The following GTF2I variants were observed in gnomAD, a reference collection of about 807,000 sequenced individuals.
The protein encoded by GTF2I is general transcription factor IIi.
Under a neutral mutation model 67.6 loss-of-function variants are expected in GTF2I, and 12 were observed. The ratio of observed to expected loss-of-function variants is 0.18; its 90% CI spans 0.11 to 0.29. The LOEUF (loss-of-function observed/expected upper bound fraction) is 0.29. GTF2I is among the 10% of genes least tolerant of loss of function. GTF2I has a pLI of 1.00. For missense variants in GTF2I, 271 were observed against 580.1 expected, an observed-to-expected ratio of 0.47 and a Z score of 5.47; for synonymous variants, 149 against 197.0, an observed-to-expected ratio of 0.76 and a Z score of 2.04.
chr7:74,674,151 C>T (rs587713872), intron 1 of GTF2I, among the ~76,000 whole-genome samples: 14 of 148,486 alleles, frequency 9.4e-5, no homozygotes, highest in African/African-American at 2.5e-4. Flanking sequence ...GTCACTGCAG[C>T]GTCGAACTCC....
At chr7:74,714,969 C>T in intron 10 of GTF2I, 53 bp downstream of exon 10, 2 of 1,086,520 alleles carry the variant, frequency 1.8e-6, no homozygotes, top group Non-Finnish European at 2.7e-6. Flanking sequence ...TTAATGTTTC[C>T]TTATATTGCA....
At position 74,718,957 on chromosome 7, in the gene GTF2I, G is replaced by A; in HGVS notation, c.943+16G>A. On this transcript the variant is annotated intron_variant, in intron 12 of 34. Coordinates refer to ENST00000573035, the MANE Select transcript of GTF2I (RefSeq NM_032999.4). ...ACTATTGAAGGTTAGTTATCTAAAAGCCTTGATTCCAAAGTTTACTTCTGG... is the reference window on the plus strand; with the variant it reads ...ACTATTGAAGGTTAGTTATCTAAAAACCTTGATTCCAAAGTTTACTTCTGG... 7.1e-7 allele frequency: 1 copy of A among 1,411,646 alleles called. No homozygotes were observed. The highest frequency in any genetic ancestry group is 9.8e-7 in the Non-Finnish European group (1 of 1,020,468). 87.4% of individuals were successfully genotyped at this position (1,411,646 alleles called of 1,614,324 possible). A position where few individuals can be genotyped will look rare whatever the true frequency, so the allele number is the denominator to read the frequency against.
intron 2 of GTF2I, 36 bp from the exon 3 acceptor site, chr7:74,690,937 C>T: frequency 6.3e-7 from 1 of 1,588,008 alleles, no homozygotes; most frequent in Non-Finnish European, 8.5e-7. Flanking sequence ...TCTTAAACGT[C>T]CGCCTGTAAC....
chr7:74,698,455 G>C (rs1415927305), intron 3 of GTF2I, among the ~76,000 whole-genome samples: 1 of 147,722 alleles, frequency 6.8e-6, no homozygotes, highest in Non-Finnish European at 1.5e-5. Flanking sequence ...ACCCAGGCTG[G>C]AGTGCTGTGG....
intron 10 of GTF2I, among the ~76,000 whole-genome samples, chr7:74,716,107 T>C (rs1554403584): frequency 6.6e-6 from 1 of 152,088 alleles, no homozygotes; most frequent in African/African-American, 2.4e-5. Flanking sequence ...TTCAATCTTT[T>C]CCATGTTAGT....
intron 12 of GTF2I, chr7:74,722,674 CTTTT>C (rs1477257036): frequency 2.1e-4 from 32 of 152,190 alleles, no homozygotes; most frequent in African/African-American, 7.2e-4. Flanking sequence ...CAAACTCTGG[CTTTT>C]TTATTTCTCA....
intron 1 of GTF2I, among the ~76,000 whole-genome samples, chr7:74,659,871 A>C (rs1804314591): frequency 6.6e-6 from 1 of 152,176 alleles, no homozygotes; most frequent in Non-Finnish European, 1.5e-5. Context: ...ACTTTGCCGC[A>C]GACAATGGCT....
intron 3 of GTF2I, among the ~76,000 whole-genome samples, chr7:74,697,624 G>T (rs1789064124): frequency 6.6e-6 from 1 of 152,114 alleles, no homozygotes; most frequent in Non-Finnish European, 1.5e-5. Context: ...CTTTTTTAAA[G>T]TAGTACAAGG....
intron 12 of GTF2I, chr7:74,727,873 G>A (rs1361382881): frequency 6.6e-6 from 1 of 152,260 alleles, no homozygotes. Context: ...ACAACAGCGT[G>A]TGTGCTGTGC....
intron 29 of GTF2I, 77 bp downstream of exon 29, chr7:74,753,254 G>A: frequency 3.7e-6 from 6 of 1,604,796 alleles, no homozygotes; most frequent in Non-Finnish European, 4.3e-6. Flanking sequence ...AGCAGATGAT[G>A]GTTGGATGGT....
At chr7:74,671,318 C>T (rs782255306) in intron 1 of GTF2I, among the ~76,000 whole-genome samples, 101 of 151,950 alleles carry the variant, frequency 6.6e-4, no homozygotes, top group Non-Finnish European at 1.3e-3. Flanking sequence ...AACTCCTGAC[C>T]TCAGGTGATT....
rs1006957435 is a variant in GTF2I, at chr7:74,718,764, A to G, written c.881-115A>G. On this transcript the variant is annotated intron_variant, in intron 11 of 34. Transcript: ENST00000573035. ...TTTCATTAATATGAAATGAATGAAA[A>G]TGCCAGTGGATTTTTATAGTAGGCT... 2.3e-5 allele frequency: 13 copies of G among 566,112 alleles called. No individual in the cohort carries two copies. In the African/African-American group the frequency reaches 2.6e-4, roughly 11 times the overall value. 35.1% of individuals were successfully genotyped at this position (566,112 alleles called of 1,614,324 possible).
At position 74,731,552 on chromosome 7, in the gene GTF2I, G is replaced by T. The variant is rs2527369; in HGVS notation, c.1121-927G>T. On this transcript the variant is annotated intron_variant, in intron 14 of 34. Coordinates refer to ENST00000573035, the MANE Select transcript of GTF2I (RefSeq NM_032999.4). ...GTTTTTTGTTTTTTGTTTTGTTGTT[G>T]TTTTTTTTTTTTTTGAGATAGAGTT... Among the ~76,000 whole-genome samples, 57 of 136,404 alleles carry T rather than the reference G, an allele frequency of 4.2e-4. 1 individual carries two copies. The highest frequency in any genetic ancestry group is 7.4e-3 in the Middle Eastern group (2 of 272). 89.5% of individuals were successfully genotyped at this position (136,404 alleles called of 152,430 possible). A position where few individuals can be genotyped will look rare whatever the true frequency, so the allele number is the denominator to read the frequency against.
rs781876946 is a variant in GTF2I at position 74,720,141 on chromosome 7, G to A, written c.943+1200G>A. ...ATAATTGCAGTACATATCTTGATGC[G>A]AAAATACACAGATGCTTTCAGCATA... On this transcript the variant is annotated intron_variant, in intron 12 of 34. Transcript: ENST00000573035. 7.2e-5 allele frequency among the ~76,000 whole-genome samples: 11 copies of A among 152,236 alleles called. No individual in the cohort carries two copies. The East Asian group carries it at 1.3e-3, about 19-fold the overall frequency.
At chr7:74,679,679 C>T (rs1554393501) in intron 1 of GTF2I, among the ~76,000 whole-genome samples, 2 of 151,996 alleles carry the variant, frequency 1.3e-5, no homozygotes, top group African/African-American at 2.4e-5. Context: ...CTCAAGCGAT[C>T]CTCCTACCTT....
intron 19 of GTF2I, among the ~76,000 whole-genome samples, chr7:74,738,997 C>CT (rs1458542470): frequency 1.3e-3 from 35 of 26,250 alleles, no homozygotes; most frequent in African/African-American, 3.3e-3. Flanking sequence ...TATTAGAGCT[C>CT]TAAGTGTGCC....
rs377599350 is a variant in GTF2I at position 74,726,085 on chromosome 7, T to C, written c.944-2701T>C. 1.1e-4 allele frequency among the ~76,000 whole-genome samples: 17 copies of C among 152,286 alleles called. No individual in the cohort carries two copies. The East Asian group carries it at 3.3e-3, about 29-fold the overall frequency. ...ATCTACAGCTGTGTTTCCTTTCTCA[T>C]GTCATTCTACTCTAGCAGCTTTCAG... is the stretch of plus-strand genomic sequence containing the variant. On this transcript the variant is annotated intron_variant, in intron 12 of 34. Coordinates refer to ENST00000573035, the MANE Select transcript of GTF2I (RefSeq NM_032999.4).
intron 9 of GTF2I, among the ~76,000 whole-genome samples, chr7:74,714,295 C>T (rs587753866): frequency 2.4e-4 from 37 of 152,038 alleles, no homozygotes; most frequent in African/African-American, 8.2e-4. Context: ...AAAAAGTGCC[C>T]GCTGTGCTGG....
rs587623123 is a variant in GTF2I, at chr7:74,669,630, TTC to T, written c.-6+11563_-6+11564del. ...GGCTCACTGAAACCTCCGCCTCCTG[TTC>T]AAGCTCTTCTCGTGCCTCAGCTTCC... On this transcript the variant is annotated intron_variant, in intron 1 of 34. Coordinates refer to ENST00000573035, the MANE Select transcript of GTF2I (RefSeq NM_032999.4). Among the ~76,000 whole-genome samples the T allele has an allele frequency of 1.9e-4, 29 of 152,002 alleles. No homozygotes were observed. In the East Asian group the frequency reaches 5.0e-3, roughly 26 times the overall value.
Sources: gnomAD v4.1 joint callset for allele counts (sites outside exome capture counted in the v4.1 genomes callset) on GRCh38, gnomAD v4.1.1 for gene constraint, MANE v1.5 for transcripts, NCBI Gene and HGNC (gene_info 2026-07-23, HGNC 2026-07-21) for gene names.